APOL2: variants seen among roughly 807,000 people sequenced by gnomAD.
The protein encoded by APOL2 is apolipoprotein L2.
Under a neutral mutation model 7.1 loss-of-function variants are expected in APOL2, and 8 were observed. The ratio of observed to expected loss-of-function variants is 1.12; its 90% CI spans 0.66 to 2.03. The LOEUF (loss-of-function observed/expected upper bound fraction) is 2.03, where lower values mean the gene tolerates loss of function less well. APOL2 is among the 30% of genes most tolerant of loss of function. The pLI is 0.00. For missense variants in APOL2, 471 were observed against 415.1 expected (o/e 1.13, Z -1.17); for synonymous variants, 177 against 159.9 (o/e 1.11, Z -0.81).
intron 1 of APOL2, among the ~76,000 whole-genome samples, chr22:36,235,943 T>C (rs916477246): frequency 6.6e-6 from 1 of 151,464 alleles, no homozygotes. Context: ...CAGGATGGAA[T>C]AAAAAGGGAA....
chr22:36,238,445 A>G (rs2015484591), intron 1 of APOL2, among the ~76,000 whole-genome samples: 1 of 152,074 alleles, frequency 6.6e-6, no homozygotes, highest in Non-Finnish European at 1.5e-5. Context: ...GAAAAATCTT[A>G]GGCTGGGAGG....
chr22:36,233,315 G>A (rs1377776770), intron 2 of APOL2, 74 bp from the exon 3 acceptor site: 3 of 1,595,754 alleles, frequency 1.9e-6, no homozygotes, highest in East Asian at 2.2e-5. Flanking sequence ...GAGGGGCTGG[G>A]TCTTTGCAGA....
Position 36,228,064 on chromosome 22 carries a change from C to G in APOL2, c.354G>C (p.Val118=). ...AGGTAGTGCCAACAGAGTTGGACAC[C>G]ACATTGGCAATGGTGGTGCCTCTGT... ...QVHRGTTIAN[V]VSNSVGTTSG... is the part of the protein sequence containing the mutation. The change falls in exon 5 of 5, where the codon GTG becomes GTC. Residue 118 remains valine (V), a synonymous_variant. Coordinates refer to ENST00000358502, the MANE Select transcript of APOL2 (RefSeq NM_030882.4). 11 of 1,614,220 alleles carry G rather than the reference C, an allele frequency of 6.8e-6. No individual in the cohort carries two copies. The highest frequency in any genetic ancestry group is 9.3e-6 in the Non-Finnish European group (11 of 1,180,040).
At chr22:36,230,720 A>AGGAGACTTGG (rs2015192319) in intron 4 of APOL2, among the ~76,000 whole-genome samples, 1 of 152,146 alleles carries the variant, frequency 6.6e-6, no homozygotes. Context: ...GACAGTTCCA[A>AGGAGACTTGG]GTCTCCATGA....
chr22:36,229,359 C>T (rs1160282064), intron 4 of APOL2, among the ~76,000 whole-genome samples: 1 of 150,430 alleles, frequency 6.6e-6, no homozygotes, highest in African/African-American at 2.5e-5. Flanking sequence ...CAGTCTCCCT[C>T]CCCTGTAACA....
chr22:36,229,533 T>C (rs1009642272), intron 4 of APOL2, among the ~76,000 whole-genome samples: 1 of 152,234 alleles, frequency 6.6e-6, no homozygotes, highest in Admixed American at 6.5e-5. Flanking sequence ...CCTGAAATCC[T>C]CCCAGACTCT....
At chr22:36,239,405 A>G (rs538287657) in intron 1 of APOL2, 36 bp downstream of exon 1, 122 of 1,517,570 alleles carry the variant, frequency 8.0e-5, no homozygotes, top group Admixed American at 1.2e-4. Context: ...TGCAAGAATA[A>G]GGACATGGGG....
intron 1 of APOL2, among the ~76,000 whole-genome samples, chr22:36,235,674 G>T (rs2015373029): frequency 6.7e-6 from 1 of 150,180 alleles, no homozygotes; most frequent in Admixed American, 6.7e-5. Context: ...GAATAGAAAA[G>T]TTACCAGGCA....
chr22:36,234,054 C>T (rs2015320980), intron 1 of APOL2, among the ~76,000 whole-genome samples: 1 of 152,164 alleles, frequency 6.6e-6, no homozygotes, highest in African/African-American at 2.4e-5. Context: ...CTTCCCCGTC[C>T]CCTCTGCTGT....
chr22:36,230,435 C>T (rs1177305129), intron 4 of APOL2, among the ~76,000 whole-genome samples: 3 of 152,126 alleles, frequency 2.0e-5, no homozygotes, highest in Non-Finnish European at 4.4e-5. Flanking sequence ...ACTCACATGT[C>T]CTCTGCAAGT....
chr22:36,230,903 G>A (rs1460395161), intron 4 of APOL2, among the ~76,000 whole-genome samples: 1 of 152,122 alleles, frequency 6.6e-6, no homozygotes, highest in African/African-American at 2.4e-5. Flanking sequence ...GTCCTGCTGG[G>A]CTCCCATCTT....
At position 36,227,650 on chromosome 22, in the gene APOL2, C is replaced by T. The variant is rs1273397169; in HGVS notation, c.768G>A (p.Gln256=). 1 of 1,614,250 alleles carries T rather than the reference C, an allele frequency of 6.2e-7. No individual in the cohort carries two copies. Among genetic ancestry groups the T allele is most frequent in the South Asian group, 1.1e-5 (1 of 91,090 alleles). ...CGGGGCCTTCAACAACCCTCTCAAC[C>T]TGTTCACCGCCTTCAGCTGAGATTC... ...IGRISAEGGE[Q]VERVVEGPAQ... Residue 256 remains glutamine, a synonymous_variant, in exon 5 of 5, where the codon CAG becomes CAA. Transcript: ENST00000358502.
intron 1 of APOL2, chr22:36,236,828 A>T: frequency 1.7e-6 from 2 of 1,177,154 alleles, no homozygotes; most frequent in Non-Finnish European, 2.1e-6. Flanking sequence ...AGGGGGACCC[A>T]GTCCTGGGCA....
intron 4 of APOL2, among the ~76,000 whole-genome samples, chr22:36,230,845 G>A (rs1231394101): frequency 6.6e-6 from 1 of 152,158 alleles, no homozygotes; most frequent in Non-Finnish European, 1.5e-5. Context: ...GCATCCCCAG[G>A]AACACATATT....
At chr22:36,229,973 C>T (rs527416776) in intron 4 of APOL2, among the ~76,000 whole-genome samples, 4 of 152,228 alleles carry the variant, frequency 2.6e-5, no homozygotes, top group South Asian at 2.1e-4. Flanking sequence ...GCACCCCCAA[C>T]CTTCCAGGTC....
At chr22:36,236,712 C>G in intron 1 of APOL2, 2 of 985,366 alleles carry the variant, frequency 2.0e-6, no homozygotes, top group Non-Finnish European at 2.4e-6. Flanking sequence ...TACAAAAGCC[C>G]CCTCCTCAAA....
intron 1 of APOL2, among the ~76,000 whole-genome samples, chr22:36,237,926 C>A (rs750545343): frequency 1.1e-4 from 16 of 152,164 alleles, no homozygotes; most frequent in Non-Finnish European, 1.6e-4. Flanking sequence ...CACTCAGCTG[C>A]TCCCTCGCCC....
intron 1 of APOL2, among the ~76,000 whole-genome samples, chr22:36,238,665 A>G (rs532671357): frequency 1.3e-5 from 2 of 152,280 alleles, no homozygotes; most frequent in African/African-American, 4.8e-5. Flanking sequence ...GAATCTCATG[A>G]TTGCAAAGCT....
At chr22:36,237,447 C>A in intron 1 of APOL2, 3 of 1,078,636 alleles carry the variant, frequency 2.8e-6, no homozygotes, top group Non-Finnish European at 3.4e-6. Flanking sequence ...CTTGCTCTGT[C>A]ACCCAGTCTG....
Sources: gnomAD v4.1 joint callset for allele counts (sites outside exome capture counted in the v4.1 genomes callset) on GRCh38, gnomAD v4.1.1 for gene constraint, MANE v1.5 for transcripts, NCBI Gene and HGNC (gene_info 2026-07-23, HGNC 2026-07-21) for gene names.